The following SH3GL2 variants were observed in gnomAD, a reference collection of about 807,000 sequenced individuals.
SH3GL2 encodes the protein endophilin-A1.
Under a neutral mutation model 46.0 loss-of-function variants are expected in SH3GL2, and 24 were observed. That is an observed-to-expected ratio of 0.52 (90% CI 0.38 to 0.73). The LOEUF (loss-of-function observed/expected upper bound fraction) is 0.73, where lower values mean the gene tolerates loss of function less well. Ranked by LOEUF, SH3GL2 falls within the 30% of genes least tolerant of loss-of-function variation. The probability of loss-of-function intolerance (pLI) is 0.00; values close to 1 mark genes in which losing one functional copy is unlikely to be tolerated. For missense variants in SH3GL2, 413 were observed against 424.2 expected, an observed-to-expected ratio of 0.97 and a Z score of 0.23; for synonymous variants, 196 against 147.1, an observed-to-expected ratio of 1.33 and a Z score of -2.40.
chr9:17,789,673 A>T, intron 6 of SH3GL2, 123 bp downstream of exon 6: 1 of 1,444,318 alleles, frequency 6.9e-7, no homozygotes, highest in South Asian at 1.4e-5. Flanking sequence ...ACTTCAGTAG[A>T]TAGTTATTTA....
intron 1 of SH3GL2, among the ~76,000 whole-genome samples, chr9:17,597,189 G>A (rs1818588404): frequency 6.6e-6 from 1 of 152,098 alleles, no homozygotes; most frequent in Non-Finnish European, 1.5e-5. Context: ...GCAAAACTTC[G>A]GGTTTTGGTC....
intron 8 of SH3GL2, among the ~76,000 whole-genome samples, chr9:17,795,136 T>C (rs920364507): frequency 2.0e-5 from 3 of 152,228 alleles, no homozygotes; most frequent in African/African-American, 7.2e-5. Context: ...TTTAAAGTGC[T>C]CAGATGAGAG....
chr9:17,598,359 T>G (rs541964299), intron 1 of SH3GL2, among the ~76,000 whole-genome samples: 1 of 152,336 alleles, frequency 6.6e-6, no homozygotes, highest in East Asian at 1.9e-4. Context: ...GCTGGAATAG[T>G]TTCTGTTAAA....
intron 1 of SH3GL2, among the ~76,000 whole-genome samples, chr9:17,713,852 G>A (rs1449026277): frequency 6.6e-6 from 1 of 151,560 alleles, no homozygotes; most frequent in Non-Finnish European, 1.5e-5. Flanking sequence ...TTTATATTTT[G>A]TCATCGTTGG....
chr9:17,662,846 A>G (rs1481305256), intron 1 of SH3GL2, among the ~76,000 whole-genome samples: 1 of 151,368 alleles, frequency 6.6e-6, no homozygotes, highest in Non-Finnish European at 1.5e-5. Flanking sequence ...AGTAGCTGGG[A>G]TTACAGGCAT....
chr9:17,786,194 A>T (rs1443826885), intron 3 of SH3GL2, among the ~76,000 whole-genome samples, 187 bp from the exon 4 acceptor site: 2 of 152,054 alleles, frequency 1.3e-5, no homozygotes, highest in Non-Finnish European at 2.9e-5. Flanking sequence ...GGAAAGGGAG[A>T]GTTTAGTGCT....
intron 1 of SH3GL2, among the ~76,000 whole-genome samples, chr9:17,582,342 C>A (rs1431643500): frequency 2.0e-5 from 3 of 152,146 alleles, no homozygotes; most frequent in Non-Finnish European, 2.9e-5. Flanking sequence ...ATATAATTTA[C>A]TGTATAATTA....
intron 1 of SH3GL2, among the ~76,000 whole-genome samples, chr9:17,584,515 A>C (rs1185876786): frequency 6.6e-6 from 1 of 152,176 alleles, no homozygotes; most frequent in East Asian, 1.9e-4. Context: ...ATAAATAAAT[A>C]AATAAATTCA....
intron 1 of SH3GL2, among the ~76,000 whole-genome samples, chr9:17,708,054 G>A (rs1215358402): frequency 2.0e-5 from 3 of 152,018 alleles, no homozygotes; most frequent in African/African-American, 7.2e-5. Flanking sequence ...TTATCTCTCA[G>A]TGTCTCAATT....
At chr9:17,582,362 A>G (rs1818293798) in intron 1 of SH3GL2, among the ~76,000 whole-genome samples, 1 of 152,210 alleles carries the variant, frequency 6.6e-6, no homozygotes, top group Non-Finnish European at 1.5e-5. Flanking sequence ...AGAATAAAGT[A>G]TTCTTTTTTT....
At chr9:17,623,254 T>G (rs889402911) in intron 1 of SH3GL2, among the ~76,000 whole-genome samples, 9 of 151,956 alleles carry the variant, frequency 5.9e-5, no homozygotes, top group Non-Finnish European at 1.0e-4. Context: ...CTACGATACG[T>G]CTGAATGTTG....
intron 1 of SH3GL2, among the ~76,000 whole-genome samples, chr9:17,705,371 A>T (rs927424867): frequency 1.3e-5 from 2 of 152,074 alleles, no homozygotes; most frequent in Admixed American, 6.6e-5. Context: ...TTACCACTCA[A>T]CCCAGCAATC....
intron 1 of SH3GL2, among the ~76,000 whole-genome samples, chr9:17,692,519 GCCTGTAGTC>G (rs1563814731): frequency 6.6e-6 from 1 of 151,948 alleles, no homozygotes; most frequent in African/African-American, 2.4e-5. Flanking sequence ...GGTGGTGCAT[GCCTGTAGTC>G]CCAGCTACTG....
intron 1 of SH3GL2, among the ~76,000 whole-genome samples, chr9:17,688,545 A>G (rs866103525): frequency 1.3e-5 from 2 of 152,000 alleles, no homozygotes; most frequent in African/African-American, 4.8e-5. Flanking sequence ...TCCTTCAGTA[A>G]AAGGAACCAG....
chr9:17,625,333 C>T (rs948465458), intron 1 of SH3GL2, among the ~76,000 whole-genome samples: 1 of 152,268 alleles, frequency 6.6e-6, no homozygotes, highest in Admixed American at 6.5e-5. Flanking sequence ...CTTTATATTG[C>T]TGTGTGGAAT....
rs182127281 is a variant in SH3GL2, at chr9:17,679,966, C to T, written c.46-67100C>T. Among the ~76,000 whole-genome samples, 3 of 152,194 alleles carry T rather than the reference C, an allele frequency of 2.0e-5. No homozygotes were observed. The East Asian group carries it at 5.8e-4, about 29-fold the overall frequency. On this transcript the variant is annotated intron_variant, in intron 1 of 8. Coordinates refer to ENST00000380607, the MANE Select transcript of SH3GL2 (RefSeq NM_003026.5). ...GCATATGTTGAACCAGCCTTGCATCCCTGGGATGAAGCCCACTTGATCGTG... is the reference window on the plus strand; with the variant it reads ...GCATATGTTGAACCAGCCTTGCATCTCTGGGATGAAGCCCACTTGATCGTG...
At chr9:17,661,152 A>T (rs139693000) in intron 1 of SH3GL2, among the ~76,000 whole-genome samples, 2 of 152,204 alleles carry the variant, frequency 1.3e-5, no homozygotes, top group Admixed American at 6.5e-5. Flanking sequence ...ACAGAGTAAG[A>T]CTCCGTCTCA....
chr9:17,632,001 G>A (rs935795315), intron 1 of SH3GL2, among the ~76,000 whole-genome samples: 1 of 152,112 alleles, frequency 6.6e-6, no homozygotes, highest in Non-Finnish European at 1.5e-5. Context: ...TTAGGGTTCA[G>A]TATCTGCTTT....
intron 1 of SH3GL2, among the ~76,000 whole-genome samples, chr9:17,678,449 G>A (rs1461664981): frequency 1.3e-5 from 2 of 152,126 alleles, no homozygotes; most frequent in Non-Finnish European, 2.9e-5. Context: ...AGAAGTGTCT[G>A]TTCATATCCT....
Sources: gnomAD v4.1 joint callset for allele counts (sites outside exome capture counted in the v4.1 genomes callset) on GRCh38, gnomAD v4.1.1 for gene constraint, MANE v1.5 for transcripts, NCBI Gene and HGNC (gene_info 2026-07-23, HGNC 2026-07-21) for gene names.